The following CREB5 variants were observed in gnomAD, a reference collection of about 807,000 sequenced individuals.
The protein encoded by CREB5 is cAMP responsive element binding protein 5.
In CREB5, 19 loss-of-function variants were observed where a neutral mutation model predicts 57.1. The observed-to-expected ratio is 0.33, with a 90% CI of 0.23 to 0.49. CREB5 has a LOEUF of 0.49. CREB5 is among the 20% of genes least tolerant of loss of function. The pLI, the probability that CREB5 is intolerant of heterozygous loss-of-function variation, is 0.99. For synonymous variants in CREB5, 238 were observed against 238.3 expected (o/e 1.00, Z 0.01); for missense variants, 579 against 671.6 (o/e 0.86, Z 1.52).
chr7:28,639,917 T>A (rs1255972998), intron 5 of CREB5, among the ~76,000 whole-genome samples: 4 of 152,134 alleles, frequency 2.6e-5, no homozygotes, highest in Non-Finnish European at 5.9e-5. Flanking sequence ...CTGCAAAAAA[T>A]GACGGCACAC....
chr7:28,805,057 T>C (rs1202209858), intron 8 of CREB5, among the ~76,000 whole-genome samples: 1 of 152,278 alleles, frequency 6.6e-6, no homozygotes, highest in Non-Finnish European at 1.5e-5. Flanking sequence ...AGCTCCATCA[T>C]GGATGCTAGG....
intron 5 of CREB5, among the ~76,000 whole-genome samples, chr7:28,606,794 AAT>A (rs1221731496): frequency 6.6e-6 from 1 of 152,206 alleles, no homozygotes; most frequent in East Asian, 1.9e-4. Context: ...TTCTGAGACA[AAT>A]ATGAAAGTTG....
chr7:28,560,975 T>TGCGCGTGCGTGCGCGTGC (rs1270769785), intron 4 of CREB5, among the ~76,000 whole-genome samples: 4 of 23,444 alleles, frequency 1.7e-4, no homozygotes, highest in Non-Finnish European at 2.3e-4. Flanking sequence ...TGTGTGTGCG[T>TGCGCGTGCGTGCGCGTGC]GTGTGCGTGC....
intron 4 of CREB5, among the ~76,000 whole-genome samples, chr7:28,560,971 T>TGTGTGC (rs1562798185): frequency 1.9e-5 from 1 of 54,022 alleles, no homozygotes; most frequent in Non-Finnish European, 4.1e-5. Context: ...CGTGTGTGTG[T>TGTGTGC]GCGTGTGTGC....
chr7:28,592,870 TAA>T (rs1424082155), intron 5 of CREB5, among the ~76,000 whole-genome samples: 1 of 152,236 alleles, frequency 6.6e-6, no homozygotes, highest in African/African-American at 2.4e-5. Context: ...TTCTTATTTG[TAA>T]AATAGGGATA....
At chr7:28,336,274 T>G (rs1045106865) in intron 1 of CREB5, among the ~76,000 whole-genome samples, 6 of 152,116 alleles carry the variant, frequency 3.9e-5, no homozygotes, top group African/African-American at 1.2e-4. Context: ...GGATTGATAT[T>G]TAGACTTCTG....
intron 4 of CREB5, among the ~76,000 whole-genome samples, chr7:28,568,633 A>G (rs1795574680): frequency 6.6e-6 from 1 of 152,182 alleles, no homozygotes; most frequent in South Asian, 2.1e-4. Context: ...TTTCCAGTGT[A>G]TAAGAGAAGC....
intron 1 of CREB5, among the ~76,000 whole-genome samples, chr7:28,478,489 T>G (rs1375036074): frequency 6.6e-6 from 1 of 152,140 alleles, no homozygotes; most frequent in East Asian, 1.9e-4. Flanking sequence ...GGCAAAAGTT[T>G]CCCTAATAAG....
intron 5 of CREB5, among the ~76,000 whole-genome samples, chr7:28,681,205 G>C (rs1006750101): frequency 6.6e-6 from 1 of 152,146 alleles, no homozygotes; most frequent in African/African-American, 2.4e-5. Context: ...AGGTTTTCTA[G>C]ATGCTTCAGA....
At chr7:28,435,561 T>C in intron 1 of CREB5, 2 of 895,336 alleles carry the variant, frequency 2.2e-6, no homozygotes, top group Non-Finnish European at 2.7e-6. Context: ...GTCAGCTGCA[T>C]CATCTTCATC....
At chr7:28,490,127 G>T (rs1791734437) in intron 2 of CREB5, among the ~76,000 whole-genome samples, 1 of 152,188 alleles carries the variant, frequency 6.6e-6, no homozygotes, top group Non-Finnish European at 1.5e-5. Flanking sequence ...CACACTTTTT[G>T]GGAGCCTACT....
At chr7:28,499,012 C>A (rs371312111) in intron 3 of CREB5, among the ~76,000 whole-genome samples, 3 of 151,966 alleles carry the variant, frequency 2.0e-5, no homozygotes, top group Non-Finnish European at 4.4e-5. Context: ...TATGATGCAA[C>A]GTTTGGTTTG....
At chr7:28,524,992 C>A (rs1368722342) in intron 4 of CREB5, among the ~76,000 whole-genome samples, 1 of 145,104 alleles carries the variant, frequency 6.9e-6, no homozygotes, top group Non-Finnish European at 1.5e-5. Context: ...CACCCCCGAC[C>A]CTTCCCAGCT....
At chr7:28,531,397 G>A (rs1358701974) in intron 4 of CREB5, among the ~76,000 whole-genome samples, 1 of 152,150 alleles carries the variant, frequency 6.6e-6, no homozygotes, top group East Asian at 1.9e-4. Flanking sequence ...GGTGTTACTT[G>A]TAGATGCATC....
At chr7:28,470,134 C>T (rs1790746063) in intron 1 of CREB5, among the ~76,000 whole-genome samples, 2 of 151,978 alleles carry the variant, frequency 1.3e-5, no homozygotes. Flanking sequence ...CTATAGTTAC[C>T]CTGTTGTGCT....
At chr7:28,560,987 T>TGCGCGTGCGTGCGCGTGC (rs1212595303) in intron 4 of CREB5, among the ~76,000 whole-genome samples, 1 of 64,492 alleles carries the variant, frequency 1.6e-5, no homozygotes, top group African/African-American at 4.6e-5. Context: ...TGTGCGTGCG[T>TGCGCGTGCGTGCGCGTGC]GTGTGTGCCT....
intron 5 of CREB5, among the ~76,000 whole-genome samples, chr7:28,574,244 T>C (rs756238248): frequency 6.6e-6 from 1 of 152,176 alleles, no homozygotes; most frequent in Non-Finnish European, 1.5e-5. Flanking sequence ...AGAGATAAAA[T>C]CGATCCAGCC....
At chr7:28,723,339 A>G (rs1326816607) in intron 6 of CREB5, among the ~76,000 whole-genome samples, 1 of 152,200 alleles carries the variant, frequency 6.6e-6, no homozygotes, top group Admixed American at 6.5e-5. Flanking sequence ...GGAAGTAGAC[A>G]TTTTGCCGTA....
intron 1 of CREB5, among the ~76,000 whole-genome samples, chr7:28,398,651 T>A (rs1490731960): frequency 2.6e-5 from 4 of 152,208 alleles, no homozygotes; most frequent in Non-Finnish European, 4.4e-5. Context: ...TTGAAAAGTC[T>A]TCTCTTGAAA....
Sources: gnomAD v4.1 joint callset for allele counts (sites outside exome capture counted in the v4.1 genomes callset) on GRCh38, gnomAD v4.1.1 for gene constraint, MANE v1.5 for transcripts, NCBI Gene and HGNC (gene_info 2026-07-23, HGNC 2026-07-21) for gene names.